FBXL7: variants seen among roughly 807,000 people sequenced by gnomAD.
FBXL7 encodes the protein F-box/LRR-repeat protein 7.
FBXL7 carries 12 observed loss-of-function variants against 38.3 expected under a neutral mutation model. The ratio of observed to expected loss-of-function variants is 0.31; its 90% CI spans 0.20 to 0.51. FBXL7 has a LOEUF of 0.51. FBXL7 is among the 20% of genes least tolerant of loss of function. The pLI, the probability that FBXL7 is intolerant of heterozygous loss-of-function variation, is 0.98. For missense variants in FBXL7, 567 were observed against 676.4 expected, an observed-to-expected ratio of 0.84 and a Z score of 1.79; for synonymous variants, 297 against 300.9, an observed-to-expected ratio of 0.99 and a Z score of 0.13.
intron 2 of FBXL7, among the ~76,000 whole-genome samples, chr5:15,892,581 GCTTA>G (rs1195781461): frequency 3.9e-5 from 6 of 152,162 alleles, no homozygotes; most frequent in East Asian, 3.9e-4. Context: ...TGGGTTCGCA[GCTTA>G]CTTATTACAT....
intron 2 of FBXL7, among the ~76,000 whole-genome samples, chr5:15,819,960 T>C (rs1381412514): frequency 2.0e-5 from 3 of 152,216 alleles, no homozygotes; most frequent in African/African-American, 7.2e-5. Flanking sequence ...TGATTTCTCC[T>C]CCTTTTCAAA....
intron 2 of FBXL7, among the ~76,000 whole-genome samples, chr5:15,697,999 A>T (rs1001031326): frequency 2.6e-5 from 4 of 152,244 alleles, no homozygotes; most frequent in Non-Finnish European, 4.4e-5. Context: ...GTTGGTGATG[A>T]TTCACAATCC....
chr5:15,628,135 A>G (rs1407543700), intron 2 of FBXL7, among the ~76,000 whole-genome samples: 1 of 152,226 alleles, frequency 6.6e-6, no homozygotes, highest in Non-Finnish European at 1.5e-5. Flanking sequence ...TATATATATA[A>G]CAAAGAAACT....
At chr5:15,585,984 A>T (rs1004791794) in intron 1 of FBXL7, among the ~76,000 whole-genome samples, 1 of 152,214 alleles carries the variant, frequency 6.6e-6, no homozygotes, top group Admixed American at 6.5e-5. Context: ...TCAAGAAAAT[A>T]TGTGAAACTA....
At chr5:15,612,177 T>C (rs1294938241) in intron 1 of FBXL7, among the ~76,000 whole-genome samples, 1 of 151,876 alleles carries the variant, frequency 6.6e-6, no homozygotes, top group African/African-American at 2.4e-5. Context: ...ATAAGAGATA[T>C]ACAGTATATC....
intron 2 of FBXL7, among the ~76,000 whole-genome samples, chr5:15,728,073 C>T (rs1375666125): frequency 1.3e-5 from 2 of 152,120 alleles, no homozygotes; most frequent in Non-Finnish European, 1.5e-5. Context: ...TTTCTTTTCA[C>T]ATTTTCTATA....
intron 2 of FBXL7, among the ~76,000 whole-genome samples, chr5:15,788,854 A>ATT (rs796860907): frequency 7.6e-4 from 100 of 132,418 alleles, no homozygotes; most frequent in African/African-American, 2.4e-3. Flanking sequence ...TAAGTTTTGT[A>ATT]TTTTTTTTTT....
At chr5:15,627,661 T>G (rs1740863799) in intron 2 of FBXL7, among the ~76,000 whole-genome samples, 1 of 152,134 alleles carries the variant, frequency 6.6e-6, no homozygotes, top group Non-Finnish European at 1.5e-5. Context: ...TTTAGTGTAC[T>G]GGGGAGGTTT....
intron 1 of FBXL7, among the ~76,000 whole-genome samples, chr5:15,585,644 A>G (rs1308466816): frequency 6.6e-6 from 1 of 152,236 alleles, no homozygotes; most frequent in African/African-American, 2.4e-5. Flanking sequence ...AGGGAAATTT[A>G]TACTCATTTT....
At chr5:15,529,194 T>C (rs1737345777) in intron 1 of FBXL7, among the ~76,000 whole-genome samples, 1 of 152,234 alleles carries the variant, frequency 6.6e-6, no homozygotes, top group South Asian at 2.1e-4. Context: ...GCCTGGCTTA[T>C]TGCCCTTAAC....
At chr5:15,902,083 T>C (rs1209240337) in intron 2 of FBXL7, among the ~76,000 whole-genome samples, 3 of 152,216 alleles carry the variant, frequency 2.0e-5, no homozygotes, top group African/African-American at 7.2e-5. Context: ...ACAGGTTCCA[T>C]GCAGCTGCCT....
At chr5:15,801,596 C>A (rs2126741610) in intron 2 of FBXL7, among the ~76,000 whole-genome samples, 1 of 151,570 alleles carries the variant, frequency 6.6e-6, no homozygotes, top group African/African-American at 2.4e-5. Flanking sequence ...TTGAAATATT[C>A]TCTTATGGCC....
At chr5:15,590,978 T>A (rs898773981) in intron 1 of FBXL7, among the ~76,000 whole-genome samples, 9 of 152,208 alleles carry the variant, frequency 5.9e-5, no homozygotes, top group African/African-American at 1.9e-4. Flanking sequence ...AGATTTTTAG[T>A]TGTGTAAATA....
At chr5:15,757,846 G>A (rs1290529127) in intron 2 of FBXL7, among the ~76,000 whole-genome samples, 4 of 152,146 alleles carry the variant, frequency 2.6e-5, no homozygotes, top group Non-Finnish European at 5.9e-5. Context: ...CATAATTCAT[G>A]CCAACGTCAA....
Position 15,830,216 on chromosome 5 carries a change from G to A in FBXL7, c.128-97674G>A, listed in dbSNP as rs1480548966. On this transcript the variant is annotated intron_variant, in intron 2 of 3. Coordinates refer to ENST00000504595, the MANE Select transcript of FBXL7 (RefSeq NM_012304.5). ...CTTAGCAAGGTGGCTGGGCGTGGTG[G>A]CTCACACCTGTAACCCCAGCACTTT... Among the ~76,000 whole-genome samples, 3 of 152,100 alleles carry A rather than the reference G, an allele frequency of 2.0e-5. No individual in the cohort carries two copies. In the East Asian group the frequency reaches 5.8e-4, roughly 29 times the overall value.
At chr5:15,893,126 A>G (rs1352574764) in intron 2 of FBXL7, among the ~76,000 whole-genome samples, 1 of 151,916 alleles carries the variant, frequency 6.6e-6, no homozygotes, top group Non-Finnish European at 1.5e-5. Context: ...AAAAAAAAAA[A>G]AAAAAGAAAT....
intron 2 of FBXL7, among the ~76,000 whole-genome samples, chr5:15,838,474 T>C (rs968674678): frequency 2.6e-5 from 4 of 152,078 alleles, no homozygotes; most frequent in Non-Finnish European, 2.9e-5. Context: ...TGCCATAACA[T>C]TGGGGGTTAG....
chr5:15,915,664 G>A (rs559501715), intron 2 of FBXL7, among the ~76,000 whole-genome samples: 6 of 152,128 alleles, frequency 3.9e-5, no homozygotes, highest in Admixed American at 3.9e-4. Flanking sequence ...TGCAGGGGAC[G>A]CAATTCAACC....
intron 2 of FBXL7, among the ~76,000 whole-genome samples, chr5:15,737,363 T>A (rs1253902474): frequency 6.6e-6 from 1 of 152,218 alleles, no homozygotes. Context: ...AGTATTTTCA[T>A]GAACAAGTGA....
Sources: gnomAD v4.1 joint callset for allele counts (sites outside exome capture counted in the v4.1 genomes callset) on GRCh38, gnomAD v4.1.1 for gene constraint, MANE v1.5 for transcripts, NCBI Gene and HGNC (gene_info 2026-07-23, HGNC 2026-07-21) for gene names.